UPRT: variants seen among roughly 807,000 people sequenced by gnomAD.
The protein encoded by UPRT is uracil phosphoribosyltransferase homolog.
Under a neutral mutation model 22.6 loss-of-function variants are expected in UPRT, and 5 were observed. The observed-to-expected ratio is 0.22, with a 90% CI of 0.12 to 0.47. The LOEUF (loss-of-function observed/expected upper bound fraction) is 0.47, where lower values mean the gene tolerates loss of function less well. Ranked by LOEUF, UPRT falls within the 20% of genes least tolerant of loss-of-function variation. The pLI, the probability that UPRT is intolerant of heterozygous loss-of-function variation, is 0.99. For synonymous variants in UPRT, 77 were observed against 87.7 expected, an observed-to-expected ratio of 0.88 and a Z score of 0.68; for missense variants, 181 against 239.9, an observed-to-expected ratio of 0.75 and a Z score of 1.62.
chrX:75,249,009 C>T (rs762567872), intron 4 of UPRT, among the ~76,000 whole-genome samples: 30 of 111,148 alleles, frequency 2.7e-4, no homozygotes, highest in African/African-American at 6.9e-4. Context: ...AAGCAAATGC[C>T]GAGAGATTTT....
chrX:75,199,579 A>G (rs2082342110), intron 4 of UPRT, among the ~76,000 whole-genome samples: 1 of 110,128 alleles, frequency 9.1e-6, no homozygotes, highest in Admixed American at 9.6e-5. Flanking sequence ...TGCAGGGGAG[A>G]CTCAGCACAT....
intron 4 of UPRT, among the ~76,000 whole-genome samples, chrX:75,257,849 CAGA>C (rs1301953479): frequency 9.0e-6 from 1 of 111,288 alleles, no homozygotes; most frequent in Admixed American, 9.6e-5. Context: ...GAGATTGATG[CAGA>C]AGAAGGGTGA....
intron 4 of UPRT, among the ~76,000 whole-genome samples, chrX:75,257,720 G>A (rs191960160): frequency 1.7e-3 from 189 of 111,415 alleles, no homozygotes; most frequent in African/African-American, 5.9e-3. Context: ...TACACCAACA[G>A]CAACTAAGCT....
chrX:75,217,875 C>A (rs998364163), intron 4 of UPRT, among the ~76,000 whole-genome samples: 4 of 111,933 alleles, frequency 3.6e-5, no homozygotes, highest in African/African-American at 1.3e-4. Context: ...ACACCTTATA[C>A]AAAAATTAAT....
intron 4 of UPRT, among the ~76,000 whole-genome samples, chrX:75,247,126 GA>G (rs766850942): frequency 3.6e-5 from 4 of 110,677 alleles, no homozygotes; most frequent in East Asian, 2.9e-4. Flanking sequence ...GGTGGCTTAA[GA>G]AAAAAAACAG....
chrX:75,163,789 C>T (rs890178240), intron 3 of UPRT, among the ~76,000 whole-genome samples: 1 of 111,716 alleles, frequency 9.0e-6, no homozygotes, highest in African/African-American at 3.3e-5. Context: ...GAAACTTAAT[C>T]CCCAATTCAG....
chrX:75,182,465 A>T (rs185678535), intron 4 of UPRT, among the ~76,000 whole-genome samples: 38 of 111,451 alleles, frequency 3.4e-4, no homozygotes, highest in African/African-American at 1.2e-3. Context: ...GCTAGAATTC[A>T]GCTGTGAATT....
At chrX:75,237,948 C>T (rs1245803912) in intron 4 of UPRT, among the ~76,000 whole-genome samples, 1 of 109,836 alleles carries the variant, frequency 9.1e-6, no homozygotes, top group Non-Finnish European at 1.9e-5. Context: ...TAAAGTATAA[C>T]AATAATAAAA....
chrX:75,298,032 A>G (rs1024121419), intron 4 of UPRT, among the ~76,000 whole-genome samples: 2 of 105,359 alleles, frequency 1.9e-5, no homozygotes, highest in Non-Finnish European at 3.9e-5. Context: ...AGGCTGGAGT[A>G]TGGTGGCGTG....
At chrX:75,246,230 A>G (rs1223401306) in intron 4 of UPRT, among the ~76,000 whole-genome samples, 1 of 103,253 alleles carries the variant, frequency 9.7e-6, no homozygotes, top group Non-Finnish European at 2.0e-5. Context: ...CATTAGGTAT[A>G]TCTCCTAAAG....
In UPRT at chrX:75,250,521, A is replaced by C. The variant is rs751682525; in HGVS notation, c.-446-40503A>C. On this transcript the variant is annotated intron_variant, in intron 4 of 13. Transcript: ENST00000652605. Reference sequence around the variant, plus strand: ...CCAAGACTAAACCAGGAAGAAGTTCAATCCCTGAATAGACCAATAACAGGC... The same window carrying C: ...CCAAGACTAAACCAGGAAGAAGTTCCATCCCTGAATAGACCAATAACAGGC... Among the ~76,000 whole-genome samples, 53 of 111,947 alleles carry C rather than the reference A, an allele frequency of 4.7e-4. 2 individuals carry two copies. In the South Asian group the frequency reaches 0.019, roughly 41 times the overall value.
At chrX:75,276,530 G>A (rs1016077889) in intron 1 of UPRT, among the ~76,000 whole-genome samples, 13 of 111,374 alleles carry the variant, frequency 1.2e-4, no homozygotes, top group African/African-American at 3.9e-4. Context: ...GGTAGGGGCA[G>A]CCAAAATAAA....
intron 1 of UPRT, among the ~76,000 whole-genome samples, chrX:75,158,630 T>G (rs2147597688): frequency 9.0e-6 from 1 of 111,589 alleles, no homozygotes; most frequent in South Asian, 3.8e-4. Flanking sequence ...ACACCTGAAA[T>G]GTGGAAGAAA....
At chrX:75,259,891 G>A (rs1286770345) in intron 4 of UPRT, among the ~76,000 whole-genome samples, 2 of 112,059 alleles carry the variant, frequency 1.8e-5, no homozygotes, top group African/African-American at 6.5e-5. Flanking sequence ...AAGCCCATCA[G>A]ACTAATAGCA....
rs758153505 is a variant in UPRT, at chrX:75,247,923, G to A, written c.-446-43101G>A. 7.2e-5 allele frequency among the ~76,000 whole-genome samples: 8 copies of A among 111,881 alleles called. No homozygotes were observed. The East Asian group carries it at 1.7e-3, about 24-fold the overall frequency. Reference sequence around the variant, plus strand: ...CAGCATTTGTGGTTCACCAATATCCGCTGTTCTGCAGCCATTGTTGCTGAT... The same window carrying A: ...CAGCATTTGTGGTTCACCAATATCCACTGTTCTGCAGCCATTGTTGCTGAT... On this transcript the variant is annotated intron_variant, in intron 4 of 13. Coordinates refer to the UPRT transcript ENST00000652605.
chrX:75,188,245 A>G lies in UPRT; in HGVS notation c.-447+20366A>G, dbSNP rs1320773916. ...TTTGTCAATTTTCCTTTCAACAGACAGGACCCTCAGCTGCAGCTCTTTTGG... is the reference window on the plus strand; with the variant it reads ...TTTGTCAATTTTCCTTTCAACAGACGGGACCCTCAGCTGCAGCTCTTTTGG... On this transcript the variant is annotated intron_variant, in intron 4 of 13. Coordinates refer to the UPRT transcript ENST00000652605. Among the ~76,000 whole-genome samples the G allele has an allele frequency of 2.7e-5, 3 of 111,703 alleles. No homozygotes were observed. The Admixed American group carries it at 2.8e-4, about 11-fold the overall frequency.
At chrX:75,171,915 A>G (rs1267641768) in intron 4 of UPRT, among the ~76,000 whole-genome samples, 1 of 111,900 alleles carries the variant, frequency 8.9e-6, no homozygotes, top group African/African-American at 3.3e-5. Context: ...TTGTCTGCAC[A>G]GAGTCCTGTG....
At chrX:75,158,292 G>A (rs1317596871) in intron 1 of UPRT, among the ~76,000 whole-genome samples, 1 of 111,854 alleles carries the variant, frequency 8.9e-6, no homozygotes, top group Non-Finnish European at 1.9e-5. Flanking sequence ...ACACATAACT[G>A]TCTGACATAA....
In UPRT at chrX:75,296,421, G is replaced by T. The variant is rs1363470410; in HGVS notation, c.499+10G>T. The T allele has an allele frequency of 8.3e-7, 1 of 1,198,979 alleles. No homozygotes were observed. Among genetic ancestry groups the T allele is most frequent in the South Asian group, 1.8e-5 (1 of 55,896 alleles). ...GTGACCACTCCAACAGGTAACTAGG[G>T]CTGTTATTCTCAAATTTTCCTCATA... On this transcript the variant is annotated intron_variant, in intron 3 of 6. Coordinates refer to ENST00000373383, the MANE Select transcript of UPRT (RefSeq NM_145052.4).
Sources: allele counts gnomAD v4.1 joint callset (sites outside exome capture counted in the v4.1 genomes callset), GRCh38; gene constraint gnomAD v4.1.1; transcripts MANE v1.5; gene names NCBI Gene and HGNC (gene_info 2026-07-23, HGNC 2026-07-21).